The following LAMA1 variants were observed in gnomAD, a reference collection of about 807,000 sequenced individuals.
The protein encoded by LAMA1 is laminin subunit alpha 1, also known as laminin subunit alpha-1.
LAMA1 carries 219 observed loss-of-function variants against 348.7 expected under a neutral mutation model. The ratio of observed to expected loss-of-function variants is 0.63; its 90% CI spans 0.56 to 0.70. The LOEUF (loss-of-function observed/expected upper bound fraction) is 0.70. Among genes scored for constraint, LAMA1 ranks in the 30% least tolerant of loss-of-function variants. The pLI is 0.00. For synonymous variants in LAMA1, 1,487 were observed against 1,491.0 expected (o/e 1.00, Z 0.06); for missense variants, 3,744 against 3,888.0 (o/e 0.96, Z 0.99).
In LAMA1 at chr18:7,045,563, T is replaced by A. The variant is rs116653096; in HGVS notation, c.858+715A>T. Among the ~76,000 whole-genome samples the A allele has an allele frequency of 2.2e-3, 336 of 152,268 alleles. 1 individual carries two copies. The highest frequency in any genetic ancestry group is 7.1e-3 in the African/African-American group (294 of 41,552). On this transcript the variant is annotated intron_variant, in intron 6 of 62. Transcript: ENST00000389658. Reference sequence around the variant, plus strand: ...GAGATAAACTGTTAAATCTTTTTTTTAAATTTTTTTATTGAGACAGAGTCT... The same window carrying A: ...GAGATAAACTGTTAAATCTTTTTTTAAAATTTTTTTATTGAGACAGAGTCT...
At chr18:7,034,735 A>G (rs1209882335) in intron 13 of LAMA1, 45 bp from the exon 14 acceptor site, 12 of 1,542,382 alleles carry the variant, frequency 7.8e-6, no homozygotes, top group South Asian at 1.2e-5. Context: ...ATTCAATTTA[A>G]TGATAAAATA....
At chr18:7,098,283 GTGAGGAGTGTCTC>G (rs2058271631) in intron 1 of LAMA1, among the ~76,000 whole-genome samples, 1 of 152,140 alleles carries the variant, frequency 6.6e-6, no homozygotes, top group South Asian at 2.1e-4. Context: ...CGTCTGGGAA[GTGAGGAGTGTCTC>G]TGCCTGGCCG....
At chr18:6,951,246 T>A (rs1007407056) in intron 57 of LAMA1, among the ~76,000 whole-genome samples, 5 of 152,106 alleles carry the variant, frequency 3.3e-5, no homozygotes, top group Admixed American at 2.6e-4. Context: ...CATCAGACAG[T>A]AAAGTGGGTC....
chr18:6,958,546 T>G lies in LAMA1; in HGVS notation c.7895A>C (p.Glu2632Ala). 1 of 1,614,184 alleles carries G rather than the reference T, an allele frequency of 6.2e-7. No individual in the cohort carries two copies. The highest frequency in any genetic ancestry group is 8.5e-7 in the Non-Finnish European group (1 of 1,180,036). ...NLYVGGIPEG[E>A]GTSLLTMRRS... ...TCTCATTGTGAGCAGTGACGTCCCC[T>G]CTCCCTCTGGAATTCCCCCGACGTA... Residue 2632 changes from glutamate to alanine, a missense_variant, in exon 55 of 63, where the codon GAG (glutamate) becomes GCG (alanine). Physicochemically the swap from Glu to Ala is moderately radical, Grantham distance 107 (BLOSUM62 -1). Coordinates refer to ENST00000389658, the MANE Select transcript of LAMA1 (RefSeq NM_005559.4).
intron 9 of LAMA1, 83 bp from the exon 10 acceptor site, chr18:7,040,319 G>C (rs2058015135): frequency 7.1e-7 from 1 of 1,406,702 alleles, no homozygotes; most frequent in African/African-American, 1.4e-5. Flanking sequence ...TCTGTAAAGG[G>C]TCAGAGGGTA....
Position 7,049,166 on chromosome 18 carries a change from C to G in LAMA1, c.680G>C (p.Arg227Pro). ...EFTSARYIRL[R>P]LQRIRTLNAD... is the part of the protein sequence containing the mutation. ...ATTGAGCGTTCTAATGCGTTGCAAG[C>G]GAAGGCGAATATATCGTGCAGAAGT... is the stretch of plus-strand genomic sequence containing the variant. Residue 227 changes from arginine to proline, a missense_variant, in exon 5 of 63, where the codon CGC becomes CCC. Around this residue, in one of 3 missense-constraint regions of LAMA1, gnomAD observed 1,529 missense variants for 1,689.4 expected, o/e 0.91. Transcript: ENST00000389658. The G allele has an allele frequency of 6.2e-7, 1 of 1,613,954 alleles. No individual in the cohort carries two copies. The highest frequency in any genetic ancestry group is 8.5e-7 in the Non-Finnish European group (1 of 1,179,976).
chr18:7,101,823 AC>A (rs1437683607), intron 1 of LAMA1, among the ~76,000 whole-genome samples: 1 of 148,376 alleles, frequency 6.7e-6, no homozygotes, highest in Non-Finnish European at 1.5e-5. Context: ...GCATGCCACC[AC>A]ACCTGGCTAA....
intron 39 of LAMA1, among the ~76,000 whole-genome samples, chr18:6,984,408 C>T (rs1490588106): frequency 6.6e-6 from 1 of 152,150 alleles, no homozygotes; most frequent in Non-Finnish European, 1.5e-5. Flanking sequence ...TACCAATTAA[C>T]TCACAGTATT....
In LAMA1 at chr18:6,948,411, G is replaced by T. The variant is rs750148748; in HGVS notation, c.8702C>A (p.Ala2901Glu). ...EGTYFDGSGY[A>E]ALVKEGYKVQ... ...GTGTTGCTAACACATACCAAGAGCT[G>T]CATATCCGCTTCCGTCAAAGTATGT... The change falls in exon 60 of 63, where the codon GCA (alanine) becomes GAA (glutamate). Residue 2901 changes from alanine to glutamate, a missense_variant. Transcript: ENST00000389658. 1.2e-6 allele frequency: 2 copies of T among 1,614,206 alleles called. No individual in the cohort carries two copies. Among genetic ancestry groups the T allele is most frequent in the Non-Finnish European group, 1.7e-6 (2 of 1,180,038 alleles).
At chr18:6,964,550 G>GA in intron 51 of LAMA1, 112 bp downstream of exon 51, 2 of 1,308,874 alleles carry the variant, frequency 1.5e-6, no homozygotes, top group Non-Finnish European at 2.2e-6. Flanking sequence ...AACTGGGAAA[G>GA]AATAAATTAG....
intron 3 of LAMA1, among the ~76,000 whole-genome samples, chr18:7,069,882 C>CTCAGG (rs2058138926): frequency 6.6e-6 from 1 of 151,822 alleles, no homozygotes; most frequent in African/African-American, 2.4e-5. Context: ...CTTAGACATA[C>CTCAGG]CCACTCAGGC....
At chr18:6,991,720 A>T (rs1785284) in intron 36 of LAMA1, among the ~76,000 whole-genome samples, 103,408 of 152,030 alleles carry the variant, frequency 0.68, 35,478 homozygotes, top group East Asian at 0.89. Context: ...TCTACCCTGA[A>T]AATAATCTGA....
In LAMA1 at chr18:7,073,074, C is replaced by CACCACTACTACCCCCA. The variant is rs2058152483; in HGVS notation, c.345+6885_345+6900dup. Among the ~76,000 whole-genome samples the CACCACTACTACCCCCA allele has an allele frequency of 2.0e-5, 3 of 152,264 alleles. No individual in the cohort carries two copies. In the East Asian group the frequency reaches 5.8e-4, roughly 29 times the overall value. ...CACCCTCCTGCGTTGCTGCCTCCTCCACCACTACTACCCCCAAGTTACCTT... is the reference window on the plus strand; with the variant it reads ...CACCCTCCTGCGTTGCTGCCTCCTCCACCACTACTACCCCCAACCACTACTACCCCCAAGTTACCTT... On this transcript the variant is annotated intron_variant, in intron 3 of 62. Transcript: ENST00000389658.
intron 43 of LAMA1, 41 bp downstream of exon 43, chr18:6,978,155 G>T: frequency 6.2e-7 from 1 of 1,608,124 alleles, no homozygotes; most frequent in South Asian, 1.1e-5. Context: ...ACGTCTGCAT[G>T]ACGCAGACGA....
At chr18:7,116,835 T>TTC (rs370518469) in intron 1 of LAMA1, among the ~76,000 whole-genome samples, 626 of 150,908 alleles carry the variant, frequency 4.1e-3, no homozygotes, top group African/African-American at 6.6e-3. Flanking sequence ...TCTTTCTTTC[T>TTC]TCTCTCTCTC....
At chr18:7,006,008 G>T (rs2144104826) in intron 29 of LAMA1, among the ~76,000 whole-genome samples, 1 of 152,286 alleles carries the variant, frequency 6.6e-6, no homozygotes, top group African/African-American at 2.4e-5. Context: ...GAGGCTTCGG[G>T]TGTGTCCTTG....
intron 6 of LAMA1, 138 bp from the exon 7 acceptor site, chr18:7,044,977 A>G (rs1217655014): frequency 8.1e-6 from 6 of 744,914 alleles, no homozygotes; most frequent in Admixed American, 1.8e-5. Context: ...ATCAAAGCAA[A>G]CTGGCATTTA....
Position 6,947,208 on chromosome 18 carries a change from G to A in LAMA1, c.8799C>T (p.Ser2933=). 6.2e-7 allele frequency: 1 copy of A among 1,614,234 alleles called. No homozygotes were observed. Among genetic ancestry groups the A allele is most frequent in the Admixed American group, 1.7e-5 (1 of 60,030 alleles). The change falls in exon 61 of 63, where the codon AGC becomes AGT. Residue 2933 remains serine, a synonymous_variant. Transcript: ENST00000389658. ...GTCCAATGGCATCCACTTTGGCAGT[G>A]CTGATCCCCAGGAGGACGCCATTCT... is the stretch of plus-strand genomic sequence containing the variant. The part of the protein sequence containing the change: ...SSQNGVLLGI[S]TAKVDAIGLE...
At chr18:6,958,698 T>A in intron 54 of LAMA1, 36 bp from the exon 55 acceptor site, 1 of 1,527,762 alleles carries the variant, frequency 6.5e-7, no homozygotes, top group Non-Finnish European at 9.1e-7. Flanking sequence ...TGAAAAGCTT[T>A]AAACATAATG....
Sources: gnomAD v4.1 joint callset for allele counts (sites outside exome capture counted in the v4.1 genomes callset) on GRCh38, gnomAD v4.1.1 for gene constraint, gnomAD v4.1.1 regional missense constraint, MANE v1.5 for transcripts, NCBI Gene and HGNC (gene_info 2026-07-23, HGNC 2026-07-21) for gene names.